Variants in DPYSL2 observed in about 807,000 individuals in gnomAD.
The protein encoded by DPYSL2 is dihydropyrimidinase-related protein 2.
Under a neutral mutation model 69.9 loss-of-function variants are expected in DPYSL2, and 13 were observed. That is an observed-to-expected ratio of 0.19 (90% CI 0.12 to 0.30). The LOEUF (loss-of-function observed/expected upper bound fraction) is 0.30, where lower values mean the gene tolerates loss of function less well. Among genes scored for constraint, DPYSL2 ranks in the 10% least tolerant of loss-of-function variants. The probability of loss-of-function intolerance (pLI) is 1.00; values close to 1 mark genes in which losing one functional copy is unlikely to be tolerated. For missense variants in DPYSL2, 587 were observed against 918.9 expected, an observed-to-expected ratio of 0.64 and a Z score of 4.67; for synonymous variants, 326 against 359.1, an observed-to-expected ratio of 0.91 and a Z score of 1.04.
At chr8:26,546,796 C>T (rs1346375390) in intron 1 of DPYSL2, among the ~76,000 whole-genome samples, 3 of 151,618 alleles carry the variant, frequency 2.0e-5, no homozygotes, top group Admixed American at 1.3e-4. Context: ...TGGCGGGCAC[C>T]TGTAGTCCCA....
intron 1 of DPYSL2, among the ~76,000 whole-genome samples, chr8:26,563,823 G>A (rs921078088): frequency 7.2e-5 from 11 of 152,094 alleles, no homozygotes; most frequent in African/African-American, 2.7e-4. Context: ...CACATAGAAG[G>A]CACTTAATGT....
intron 1 of DPYSL2, among the ~76,000 whole-genome samples, chr8:26,567,462 A>T (rs1801170896): frequency 6.6e-6 from 1 of 152,228 alleles, no homozygotes; most frequent in African/African-American, 2.4e-5. Flanking sequence ...TGCCTATTAC[A>T]GGCAAGGCCT....
At chr8:26,608,535 G>A (rs928765996) in intron 3 of DPYSL2, among the ~76,000 whole-genome samples, 2 of 152,202 alleles carry the variant, frequency 1.3e-5, no homozygotes, top group African/African-American at 2.4e-5. Flanking sequence ...CATTTGTTAC[G>A]GTGGTGCTGG....
rs868867324 is a variant in DPYSL2, at chr8:26,583,689, G to A, written c.444-110G>A. 1.9e-4 allele frequency: 188 copies of A among 995,710 alleles called. 6 individuals are homozygous for A. In the Middle Eastern group the frequency reaches 4.3e-3, roughly 23 times the overall value. The allele number at this position is 995,710 out of a possible 1,614,324, so 61.7% of individuals were successfully genotyped here. On this transcript the variant is annotated intron_variant, in intron 2 of 13. Transcript: ENST00000521913. ...ATGAATCGTAACAATGATCTGAAAAGCCCACGGCACAGAGCGGAGGATAGT... is the reference window on the plus strand; with the variant it reads ...ATGAATCGTAACAATGATCTGAAAAACCCACGGCACAGAGCGGAGGATAGT...
chr8:26,556,604 A>G (rs1800992432), intron 1 of DPYSL2, among the ~76,000 whole-genome samples: 1 of 151,438 alleles, frequency 6.6e-6, no homozygotes, highest in South Asian at 2.1e-4. Flanking sequence ...ACTTAGTTAT[A>G]AATCTAACAA....
chr8:26,569,386 A>AAC (rs1491544010), intron 1 of DPYSL2, among the ~76,000 whole-genome samples: 2 of 147,336 alleles, frequency 1.4e-5, no homozygotes, highest in Non-Finnish European at 3.0e-5. Flanking sequence ...ACAAAAAAAA[A>AAC]CCAAAGAAAA....
At chr8:26,572,452 G>A (rs1248159218) in intron 1 of DPYSL2, among the ~76,000 whole-genome samples, 1 of 152,202 alleles carries the variant, frequency 6.6e-6, no homozygotes, top group African/African-American at 2.4e-5. Flanking sequence ...AGTCCTGCTT[G>A]AGCCCCCAGC....
chr8:26,649,089 T>C (rs1019887441), intron 11 of DPYSL2, among the ~76,000 whole-genome samples: 2 of 152,236 alleles, frequency 1.3e-5, no homozygotes, highest in African/African-American at 2.4e-5. Context: ...CACATTCTCA[T>C]TGACTCTTTC....
chr8:26,609,872 T>G lies in DPYSL2; in HGVS notation c.629-14271T>G, dbSNP rs1234563490. On this transcript the variant is annotated intron_variant, in intron 3 of 13. Coordinates refer to ENST00000521913, the MANE Select transcript of DPYSL2 (RefSeq NM_001197293.3). The surrounding 1 kb of genome is among the most constrained non-coding windows in gnomAD (Gnocchi z 6.5). ...AGACTTTGTGGTCAAAACTGGGAAG[T>G]GTCTGTTTCCTTAAAACAGCCTTTC... is the stretch of plus-strand genomic sequence containing the variant. Among the ~76,000 whole-genome samples, 1 of 152,242 alleles carries G rather than the reference T, an allele frequency of 6.6e-6. No homozygotes were observed. Among genetic ancestry groups the G allele is most frequent in the Non-Finnish European group, 1.5e-5 (1 of 68,044 alleles).
At chr8:26,622,147 T>C (rs375917419) in intron 3 of DPYSL2, among the ~76,000 whole-genome samples, 836 of 49,652 alleles carry the variant, frequency 0.017, 14 homozygotes, top group Non-Finnish European at 0.027. Flanking sequence ...CCTTCCTTCC[T>C]TCCTTCCTTC....
Position 26,605,660 on chromosome 8 carries a change from A to C in DPYSL2, c.629-18483A>C, listed in dbSNP as rs983606108. 6.6e-6 allele frequency among the ~76,000 whole-genome samples: 1 copy of C among 152,264 alleles called. No individual in the cohort carries two copies. Among genetic ancestry groups the C allele is most frequent in the Non-Finnish European group, 1.5e-5 (1 of 68,048 alleles). On this transcript the variant is annotated intron_variant, in intron 3 of 13. Coordinates refer to ENST00000521913, the MANE Select transcript of DPYSL2 (RefSeq NM_001197293.3). This position sits in a 1 kb window ranked among gnomAD's most constrained non-coding sequence, Gnocchi z 4.1. ...AAGATGACTGACTTAAAAATAATGT[A>C]TTAAAAATTAATAGCTTCCCTGTAT...
At chr8:26,536,932 GGC>G (rs1800601298) in intron 1 of DPYSL2, among the ~76,000 whole-genome samples, 1 of 152,094 alleles carries the variant, frequency 6.6e-6, no homozygotes. Context: ...ATCTTGACTC[GGC>G]CACCAGAGGG....
chr8:26,606,089 T>C (rs891877807), intron 3 of DPYSL2, among the ~76,000 whole-genome samples: 3 of 152,176 alleles, frequency 2.0e-5, no homozygotes, highest in African/African-American at 7.2e-5. Flanking sequence ...TGTGTGGTAC[T>C]AGCTCCAGAA....
At position 26,652,144 on chromosome 8, in the gene DPYSL2, C is replaced by A; in HGVS notation, c.1597-113C>A. 1.9e-6 allele frequency: 2 copies of A among 1,037,644 alleles called. No individual in the cohort carries two copies. Among genetic ancestry groups the A allele is most frequent in the Admixed American group, 3.2e-5 (1 of 31,020 alleles). The allele number at this position is 1,037,644 out of a possible 1,614,324, so 64.3% of individuals were successfully genotyped here. A position where few individuals can be genotyped will look rare whatever the true frequency, so the allele number is the denominator to read the frequency against. ...TGGGGTGCCCAGTTGGGACAGGATC[C>A]CTGTCTCTGAGTCTCTCTTTTGTCT... On this transcript the variant is annotated intron_variant, in intron 11 of 13. Transcript: ENST00000521913. The surrounding 1 kb of genome is among the most constrained non-coding windows in gnomAD (Gnocchi z 6.3).
In DPYSL2 at chr8:26,571,892, A is replaced by G. The variant is rs1044683581; in HGVS notation, c.355-10077A>G. Among the ~76,000 whole-genome samples, 7 of 152,354 alleles carry G rather than the reference A, an allele frequency of 4.6e-5. 1 individual carries two copies. In the South Asian group the frequency reaches 1.0e-3, roughly 23 times the overall value. On this transcript the variant is annotated intron_variant, in intron 1 of 13. Coordinates refer to ENST00000521913, the MANE Select transcript of DPYSL2 (RefSeq NM_001197293.3). This position sits in a 1 kb window ranked among gnomAD's most constrained non-coding sequence, Gnocchi z 6.1. ...CCCTTCAGAGCTACACACACAAAGA[A>G]AACGATCGTCATTGCCTGATTCCAT...
At chr8:26,530,643 T>G (rs191303656) in intron 1 of DPYSL2, among the ~76,000 whole-genome samples, 42 of 152,348 alleles carry the variant, frequency 2.8e-4, no homozygotes, top group African/African-American at 7.5e-4. Flanking sequence ...TTTAGTTACG[T>G]AAGATGTACT....
At chr8:26,568,679 T>A (rs545553228) in intron 1 of DPYSL2, among the ~76,000 whole-genome samples, 2 of 130,068 alleles carry the variant, frequency 1.5e-5, no homozygotes, top group Non-Finnish European at 3.2e-5. Context: ...TTTCAGTACA[T>A]TGATCATGGC....
Position 26,514,401 on chromosome 8 carries a change from G to C in DPYSL2, c.76G>C (p.Gly26Arg). The C allele has an allele frequency of 6.6e-7, 1 of 1,516,108 alleles. No individual in the cohort carries two copies. Among genetic ancestry groups the C allele is most frequent in the Non-Finnish European group, 8.8e-7 (1 of 1,138,500 alleles). 93.9% of individuals were successfully genotyped at this position (1,516,108 alleles called of 1,614,324 possible). ...TGCTTTTTTTAAAAACCTGGGCTCC[G>C]GCAGCCCCAAGCCCCGGCAGAAATT... ...VPAFFKNLGS[G>R]SPKPRQKFCG... Residue 26 changes from glycine to arginine, a missense_variant, in exon 1 of 14, where the codon GGC (glycine) becomes CGC (arginine). By Grantham distance (125) the Gly-to-Arg change is moderately radical (BLOSUM62 -2). Around this residue, in one of 3 missense-constraint regions of DPYSL2, gnomAD observed 50 missense variants for 86.8 expected, o/e 0.58. Coordinates refer to ENST00000521913, the MANE Select transcript of DPYSL2 (RefSeq NM_001197293.3). The surrounding 1 kb of genome is among the most constrained non-coding windows in gnomAD (Gnocchi z 8.4).
intron 1 of DPYSL2, chr8:26,577,106 TC>T (rs1563393111): frequency 4.5e-6 from 2 of 439,922 alleles, no homozygotes; most frequent in South Asian, 3.1e-5. Flanking sequence ...CCCGCAGCCT[TC>T]CCCGGATGCC....
Sources: allele counts gnomAD v4.1 joint callset (sites outside exome capture counted in the v4.1 genomes callset), GRCh38; gene constraint gnomAD v4.1.1; regional missense constraint gnomAD v4.1.1; non-coding constraint Gnocchi (gnomAD v3.1); transcripts MANE v1.5; gene names NCBI Gene and HGNC (gene_info 2026-07-23, HGNC 2026-07-21).